Variants in RFC3 observed in about 807,000 individuals in gnomAD.
The protein encoded by RFC3 is replication factor C subunit 3.
A neutral mutation model predicts 45.1 loss-of-function variants in RFC3; 41 were observed. The ratio of observed to expected loss-of-function variants is 0.91; its 90% CI spans 0.71 to 1.18. The LOEUF is 1.18. RFC3 is among the 50% of genes most tolerant of loss of function. RFC3 has a pLI of 0.00. For synonymous variants in RFC3, 149 were observed against 144.0 expected, an observed-to-expected ratio of 1.03 and a Z score of -0.25; for missense variants, 423 against 428.1, an observed-to-expected ratio of 0.99 and a Z score of 0.10.
intron 8 of RFC3, among the ~76,000 whole-genome samples, chr13:33,864,074 T>TTTC (rs1445578084): frequency 6.6e-6 from 1 of 152,058 alleles, no homozygotes; most frequent in Non-Finnish European, 1.5e-5. Flanking sequence ...CCACTCATGG[T>TTTC]GGAAGGCGAT....
intron 4 of RFC3, among the ~76,000 whole-genome samples, chr13:33,827,502 T>C (rs1420188325): frequency 1.3e-5 from 2 of 152,224 alleles, no homozygotes; most frequent in Admixed American, 6.5e-5. Flanking sequence ...ACATCGGTTA[T>C]TATAAGAAAT....
chr13:33,944,555 A>G (rs1355072733), intron 8 of RFC3, among the ~76,000 whole-genome samples: 2 of 152,082 alleles, frequency 1.3e-5, no homozygotes, highest in Non-Finnish European at 2.9e-5. Context: ...ACCATCCTCT[A>G]TTCTGCTTGT....
chr13:33,945,247 C>T (rs978306542), intron 8 of RFC3, among the ~76,000 whole-genome samples: 1 of 152,106 alleles, frequency 6.6e-6, no homozygotes, highest in Non-Finnish European at 1.5e-5. Context: ...AAGAAAGATA[C>T]AAAAATAGAG....
At chr13:33,842,859 T>G (rs910003289) in intron 8 of RFC3, among the ~76,000 whole-genome samples, 2 of 152,198 alleles carry the variant, frequency 1.3e-5, no homozygotes, top group Admixed American at 6.5e-5. Context: ...CATGTGTGAA[T>G]CAGTGTTTTA....
Position 33,831,562 on chromosome 13 carries a change from A to G in RFC3, c.809+208A>G, listed in dbSNP as rs375392115. 3.1e-5 allele frequency among the ~76,000 whole-genome samples: 3 copies of G among 97,100 alleles called. No homozygotes were observed. The South Asian group carries it at 1.0e-3, about 33-fold the overall frequency. The allele number at this position is 97,100 out of a possible 152,430, so 63.7% of individuals were successfully genotyped here. On this transcript the variant is annotated intron_variant, in intron 7 of 8. Coordinates refer to ENST00000380071, the MANE Select transcript of RFC3 (RefSeq NM_002915.4). ...ATATTATGGCTTTTATTAAGCTGTA[A>G]TATCATGGCTTACATGTGATCATGT...
At chr13:33,846,952 A>C (rs1164937686) in intron 8 of RFC3, 1 of 152,320 alleles carries the variant, frequency 6.6e-6, no homozygotes, top group Non-Finnish European at 1.5e-5. Context: ...CAGGCACTGA[A>C]GTGCAGTGGT....
chr13:33,909,561 CTTT>C (rs775610567), intron 8 of RFC3, among the ~76,000 whole-genome samples: 23 of 152,020 alleles, frequency 1.5e-4, no homozygotes, highest in Non-Finnish European at 2.6e-4. Flanking sequence ...CTTTCTCCTT[CTTT>C]ACCTCTTCCT....
At chr13:33,820,588 A>G (rs1261610319) in intron 1 of RFC3, among the ~76,000 whole-genome samples, 1 of 151,898 alleles carries the variant, frequency 6.6e-6, no homozygotes. Context: ...TCGCATCCCC[A>G]CTCTCCTATG....
intron 8 of RFC3, among the ~76,000 whole-genome samples, chr13:33,882,192 A>C (rs2082489553): frequency 6.6e-6 from 1 of 152,212 alleles, no homozygotes. Flanking sequence ...CATTATCAAA[A>C]CCTGAAAACT....
chr13:33,932,295 T>C (rs557678101), intron 8 of RFC3, among the ~76,000 whole-genome samples: 1 of 152,306 alleles, frequency 6.6e-6, no homozygotes, highest in South Asian at 2.1e-4. Flanking sequence ...TTTTGTCTAT[T>C]TATTCTTCTT....
rs556942052 is a variant in RFC3 at position 33,862,632 on chromosome 13, A to G, written c.879+27415A>G. The stretch of plus-strand genomic sequence containing the variant: ...GTTAAAATATACAGGTAAATATAAT[A>G]TGTATGTATTACATATTCATGTATT... On this transcript the variant is annotated intron_variant, in intron 8 of 8. Transcript: ENST00000434425. Among the ~76,000 whole-genome samples, 18 of 152,272 alleles carry G rather than the reference A, an allele frequency of 1.2e-4. 1 individual carries two copies. In the South Asian group the frequency reaches 2.3e-3, roughly 19 times the overall value.
intron 8 of RFC3, among the ~76,000 whole-genome samples, chr13:33,939,608 A>T (rs1438375616): frequency 6.6e-6 from 1 of 152,206 alleles, no homozygotes; most frequent in Non-Finnish European, 1.5e-5. Flanking sequence ...AGCTCTAGCA[A>T]AGTATTAAAC....
intron 7 of RFC3, among the ~76,000 whole-genome samples, chr13:33,833,646 GTA>G (rs2082124041): frequency 6.6e-6 from 1 of 152,104 alleles, no homozygotes. Flanking sequence ...AATTGTATAG[GTA>G]ACTACATCCT....
At position 33,906,225 on chromosome 13, in the gene RFC3, T is replaced by C. The variant is rs995192750; in HGVS notation, c.880-59862T>C. On this transcript the variant is annotated intron_variant, in intron 8 of 8. Transcript: ENST00000434425. Reference sequence around the variant, plus strand: ...TTAAAATTCTACCTGTGAATCTAAATTGGAAGTCATTCTGTAGTGTGTGAT... The same window carrying C: ...TTAAAATTCTACCTGTGAATCTAAACTGGAAGTCATTCTGTAGTGTGTGAT... 6.6e-4 allele frequency among the ~76,000 whole-genome samples: 101 copies of C among 152,234 alleles called. 1 individual carries two copies. The highest frequency in any genetic ancestry group is 2.4e-3 in the African/African-American group (98 of 41,574).
At position 33,831,350 on chromosome 13, in the gene RFC3, CA is replaced by C; in HGVS notation, c.808del (p.Arg270GlyfsTer13). On this transcript the variant is annotated frameshift_variant, in exon 7 of 9. Coordinates refer to ENST00000380071, the MANE Select transcript of RFC3 (RefSeq NM_002915.4). LOFTEE classifies it high-confidence loss of function. ...TGCTATTGTCAGTCAGCAAACTCCA[CA>C]AAGGTACCAGTATAAAATGATGACA... is the stretch of plus-strand genomic sequence containing the variant. Reference protein sequence around the residue: ...ANAIVSQQTPQRLLEVRGRLY... With the variant: ...ANAIVSQQTPXRLLEVRGRLY... 1 of 1,548,630 alleles carries C rather than the reference CA, an allele frequency of 6.5e-7. No individual in the cohort carries two copies. Among genetic ancestry groups the C allele is most frequent in the Non-Finnish European group, 8.9e-7 (1 of 1,120,520 alleles).
chr13:33,928,941 A>G (rs142400210), intron 8 of RFC3, among the ~76,000 whole-genome samples: 1 of 152,274 alleles, frequency 6.6e-6, no homozygotes, highest in East Asian at 1.9e-4. Flanking sequence ...CTGGGATTCC[A>G]TTTAAAACAA....
intron 8 of RFC3, among the ~76,000 whole-genome samples, chr13:33,871,660 A>G (rs996994075): frequency 6.6e-6 from 1 of 152,196 alleles, no homozygotes; most frequent in African/African-American, 2.4e-5. Context: ...TCTGCTCACC[A>G]TATCCCTTTA....
chr13:33,969,289 A>G (rs2083100913), downstream of RFC3, among the ~76,000 whole-genome samples: 1 of 152,248 alleles, frequency 6.6e-6, no homozygotes, highest in Non-Finnish European at 1.5e-5. Context: ...ATTAGTTCAC[A>G]AAACTTGACA....
chr13:33,962,208 G>C (rs1464988531), intron 8 of RFC3, among the ~76,000 whole-genome samples: 1 of 152,164 alleles, frequency 6.6e-6, no homozygotes, highest in African/African-American at 2.4e-5. Flanking sequence ...ATCCTAATTT[G>C]AGAATTAGCC....
Sources: allele counts gnomAD v4.1 joint callset (sites outside exome capture counted in the v4.1 genomes callset), GRCh38; gene constraint gnomAD v4.1.1; transcripts MANE v1.5; gene names NCBI Gene and HGNC (gene_info 2026-07-23, HGNC 2026-07-21).